DYNLT3: variants seen among roughly 807,000 people sequenced by gnomAD.
DYNLT3 encodes protein 91/23.
In DYNLT3, 4 loss-of-function variants were observed where a neutral mutation model predicts 11.0. The ratio of observed to expected loss-of-function variants is 0.36; its 90% CI spans 0.18 to 0.83. DYNLT3 has a LOEUF of 0.83. Among genes scored for constraint, DYNLT3 ranks in the 40% least tolerant of loss-of-function variants. The probability of loss-of-function intolerance (pLI) is 0.47; values close to 1 mark genes in which losing one functional copy is unlikely to be tolerated. For synonymous variants in DYNLT3, 37 were observed against 31.2 expected (o/e 1.18, Z -0.61); for missense variants, 91 against 91.1 (o/e 1.00, Z 0.01).
chrX:37,843,652 G>A (rs376745041), intron 2 of DYNLT3, among the ~76,000 whole-genome samples: 2 of 111,339 alleles, frequency 1.8e-5, no homozygotes, highest in African/African-American at 3.3e-5. Flanking sequence ...CTTTTTCTTC[G>A]ACGATTTTTT....
chrX:37,842,706 T>C (rs1930195966), intron 2 of DYNLT3, among the ~76,000 whole-genome samples: 1 of 111,685 alleles, frequency 9.0e-6, no homozygotes, highest in Admixed American at 9.5e-5. Context: ...TCCTAATCCT[T>C]ATAGTAAGGA....
intron 2 of DYNLT3, among the ~76,000 whole-genome samples, chrX:37,844,106 A>G (rs925803940): frequency 8.9e-6 from 1 of 112,223 alleles, no homozygotes; most frequent in African/African-American, 3.2e-5. Context: ...TTTCAGTTAT[A>G]TTATTTATAT....
At chrX:37,844,794 A>T (rs1373457491) in intron 2 of DYNLT3, among the ~76,000 whole-genome samples, 1 of 111,574 alleles carries the variant, frequency 9.0e-6, no homozygotes, top group Non-Finnish European at 1.9e-5. Context: ...CTCCACCCAA[A>T]CCAATGAAAG....
Position 37,841,917 on chromosome X carries a change from C to G in DYNLT3, c.73-12G>C, listed in dbSNP as rs1282772401. The G allele has an allele frequency of 2.8e-6, 3 of 1,089,607 alleles. No individual in the cohort carries two copies. In the African/African-American group the frequency reaches 5.5e-5, roughly 20 times the overall value. The allele number at this position is 1,089,607 out of a possible 1,213,427, so 89.8% of individuals were successfully genotyped here. On this transcript the variant is annotated splice_polypyrimidine_tract_variant and intron_variant, in intron 2 of 4. Transcript: ENST00000378578. ...ACCCCATCTACACACTAAAAGGGCA[C>G]AGAGGGCAGTTAATTTAGTCAGTAA...
intron 2 of DYNLT3, among the ~76,000 whole-genome samples, chrX:37,845,143 A>G (rs1930242917): frequency 8.9e-6 from 1 of 111,807 alleles, no homozygotes. Context: ...TCCACCTCCC[A>G]GTTTCCCTCA....
rs1042785693 is a variant in DYNLT3 at position 37,840,763 on chromosome X, C to G, written c.275-112G>C. On this transcript the variant is annotated intron_variant, in intron 4 of 4. Transcript: ENST00000378578. ...ACACACACACATATACACACACACA[C>G]ACACACACACACACACACACACACA... 4.1e-3 allele frequency: 760 copies of G among 183,644 alleles called. 7 individuals are homozygous for G. Among genetic ancestry groups the G allele is most frequent in the African/African-American group, 0.01 (107 of 10,640 alleles). 15.1% of individuals were successfully genotyped at this position (183,644 alleles called of 1,213,427 possible).
chrX:37,840,704 G>A (rs1930126063), intron 4 of DYNLT3, 53 bp from the exon 5 acceptor site: 2 of 837,183 alleles, frequency 2.4e-6, no homozygotes, highest in Admixed American at 3.0e-5. Flanking sequence ...AAAATTATCA[G>A]AGAATATATA....
At chrX:37,846,837 G>A (rs951145385) in intron 1 of DYNLT3, among the ~76,000 whole-genome samples, 1 of 111,854 alleles carries the variant, frequency 8.9e-6, no homozygotes, top group Admixed American at 9.4e-5. Context: ...TAAAGATTAT[G>A]AAAATACTTG....
chrX:37,843,127 G>A (rs370315197), intron 2 of DYNLT3, among the ~76,000 whole-genome samples: 4 of 112,275 alleles, frequency 3.6e-5, no homozygotes, highest in Middle Eastern at 4.2e-3. Context: ...ATTTTAGCAA[G>A]GTTGACAAAA....
chrX:37,846,714 T>C (rs1191272962), intron 1 of DYNLT3, among the ~76,000 whole-genome samples: 1 of 111,908 alleles, frequency 8.9e-6, no homozygotes, highest in Non-Finnish European at 1.9e-5. Flanking sequence ...TGGTTTCAGC[T>C]AAGTGAGAGA....
chrX:37,842,008 C>CTTA, intron 2 of DYNLT3, 103 bp from the exon 3 acceptor site: 1 of 780,757 alleles, frequency 1.3e-6, no homozygotes, highest in Non-Finnish European at 1.7e-6. Flanking sequence ...ATAAAATATA[C>CTTA]TTATAGCTCA....
intron 3 of DYNLT3, 85 bp downstream of exon 3, chrX:37,841,697 T>C (rs1244812332): frequency 5.1e-6 from 5 of 989,545 alleles, no homozygotes; most frequent in Non-Finnish European, 6.7e-6. Flanking sequence ...CTTAAATGTC[T>C]ATTGTACATA....
rs140800391 is a variant in DYNLT3 at position 37,844,813 on chromosome X, C to T, written c.72+1504G>A. 2.5e-3 allele frequency among the ~76,000 whole-genome samples: 279 copies of T among 112,144 alleles called. 1 individual carries two copies. The highest frequency in any genetic ancestry group is 8.7e-3 in the African/African-American group (269 of 30,865). The stretch of plus-strand genomic sequence containing the variant: ...ACCCAAACCAATGAAAGGCACCAGC[C>T]TGAACAAGTGTTTCTCTCTGCTGAC... On this transcript the variant is annotated intron_variant, in intron 2 of 4. Transcript: ENST00000378578.
At chrX:37,846,568 T>C (rs777183944) in intron 1 of DYNLT3, among the ~76,000 whole-genome samples, 1 of 111,586 alleles carries the variant, frequency 9.0e-6, no homozygotes, top group East Asian at 2.8e-4. Context: ...CCTGCAAGTC[T>C]ACATTTTTTT....
In DYNLT3 at chrX:37,841,853, T is replaced by C. The variant is rs1187443178; in HGVS notation, c.125A>G (p.Gln42Arg). The C allele has an allele frequency of 4.1e-5, 48 of 1,162,302 alleles. No individual in the cohort carries two copies. Among genetic ancestry groups the C allele is most frequent in the Non-Finnish European group, 4.6e-5 (40 of 863,038 alleles). ...TTGTTCCACTATGCTTGCAGTCCAC[T>C]GGTTGATGTTGTTGTGATTATAATC... ...GEDYNHNNIN[Q>R]WTASIVEQSL... is the part of the protein sequence containing the mutation. The change falls in exon 3 of 5, where the codon CAG becomes CGG. Residue 42 changes from glutamine to arginine, a missense_variant. Transcript: ENST00000378578.
intron 2 of DYNLT3, among the ~76,000 whole-genome samples, chrX:37,842,734 C>G (rs2146834912): frequency 8.9e-6 from 1 of 111,837 alleles, no homozygotes; most frequent in South Asian, 3.7e-4. Flanking sequence ...ATCATCTTAT[C>G]AGGTTGTTGT....
In DYNLT3 at chrX:37,840,641, G is replaced by T; in HGVS notation, c.285C>A (p.Thr95=). The T allele has an allele frequency of 1.7e-6, 2 of 1,190,851 alleles. No individual in the cohort carries two copies. The highest frequency in any genetic ancestry group is 2.3e-6 in the Non-Finnish European group (2 of 886,532). ...TCATGGTCCGGTTCTCCCATCTTAC[G>T]GTACAGGTTCCTGAAACACAAAAAA... ...FWDTTSDGTC[T]VRWENRTMNC... Residue 95 remains threonine (T), a synonymous_variant, in exon 5 of 5, where the codon ACC becomes ACA. Coordinates refer to ENST00000378578, the MANE Select transcript of DYNLT3 (RefSeq NM_006520.3).
At position 37,847,543 on chromosome X, in the gene DYNLT3, A is replaced by G; in HGVS notation, c.-33T>C. ...CCGGCTCTCCCTGGGGCGGAGCGAC[A>G]CGCCGGTAGAGCACCGCGGCCGCGC... On this transcript the variant is annotated 5_prime_UTR_variant, in exon 1 of 5. Coordinates refer to ENST00000378578, the MANE Select transcript of DYNLT3 (RefSeq NM_006520.3). The G allele has an allele frequency of 1.0e-6, 1 of 963,036 alleles. No individual in the cohort carries two copies. Among genetic ancestry groups the G allele is most frequent in the Non-Finnish European group, 1.3e-6 (1 of 765,571 alleles). The allele number at this position is 963,036 out of a possible 1,213,427, so 79.4% of individuals were successfully genotyped here.
chrX:37,843,403 T>C (rs1031378060), intron 2 of DYNLT3, among the ~76,000 whole-genome samples: 3 of 112,308 alleles, frequency 2.7e-5, no homozygotes, highest in African/African-American at 9.7e-5. Context: ...TGGGTGCCAC[T>C]GTAAATAGCC....
Sources: allele counts gnomAD v4.1 joint callset (sites outside exome capture counted in the v4.1 genomes callset), GRCh38; gene constraint gnomAD v4.1.1; transcripts MANE v1.5; gene names NCBI Gene and HGNC (gene_info 2026-07-23, HGNC 2026-07-21).